The following PDE4D variants were observed in gnomAD, a reference collection of about 807,000 sequenced individuals.
PDE4D encodes phosphodiesterase 4D.
PDE4D carries 24 observed loss-of-function variants against 87.4 expected under a neutral mutation model. The observed-to-expected ratio is 0.27, with a 90% CI of 0.20 to 0.39. The LOEUF (loss-of-function observed/expected upper bound fraction) is 0.39. Ranked by LOEUF, PDE4D falls within the 10% of genes least tolerant of loss-of-function variation. The pLI, the probability that PDE4D is intolerant of heterozygous loss-of-function variation, is 1.00. For missense variants in PDE4D, 714 were observed against 1,041.0 expected (o/e 0.69, Z 4.32); for synonymous variants, 384 against 383.2 (o/e 1.00, Z -0.02).
At chr5:59,805,340 C>T (rs1469890975) in intron 1 of PDE4D, among the ~76,000 whole-genome samples, 2 of 152,130 alleles carry the variant, frequency 1.3e-5, no homozygotes, top group African/African-American at 4.8e-5. Flanking sequence ...ATAAAAGGTC[C>T]TAAAATATAC....
At chr5:59,425,296 C>G (rs1251027307) in intron 1 of PDE4D, among the ~76,000 whole-genome samples, 4 of 152,180 alleles carry the variant, frequency 2.6e-5, no homozygotes, top group African/African-American at 9.7e-5. Flanking sequence ...TAAAAAAGCT[C>G]TGAAGTTCTC....
At chr5:60,179,527 T>A (rs1262002423) in intron 2 of PDE4D, among the ~76,000 whole-genome samples, 1 of 152,120 alleles carries the variant, frequency 6.6e-6, no homozygotes, top group African/African-American at 2.4e-5. Context: ...AATGCTGTTT[T>A]TCTCATTTTA....
chr5:59,734,741 A>T (rs1355309217), intron 1 of PDE4D, among the ~76,000 whole-genome samples: 3 of 152,192 alleles, frequency 2.0e-5, no homozygotes, highest in Admixed American at 1.3e-4. Flanking sequence ...CAGTTAAAAA[A>T]CACAGAAAGA....
intron 1 of PDE4D, among the ~76,000 whole-genome samples, chr5:60,385,671 A>G (rs904973535): frequency 5.3e-5 from 8 of 152,168 alleles, no homozygotes; most frequent in African/African-American, 1.4e-4. Context: ...TTTCTGGTCT[A>G]ATATTTATGT....
intron 1 of PDE4D, among the ~76,000 whole-genome samples, chr5:59,868,670 A>C (rs1326929774): frequency 3.9e-5 from 6 of 152,172 alleles, no homozygotes; most frequent in African/African-American, 2.4e-5. Context: ...CTAAAACATG[A>C]GTTCATAAAG....
intron 1 of PDE4D, among the ~76,000 whole-genome samples, chr5:60,359,506 A>G (rs1305757260): frequency 6.6e-6 from 1 of 152,220 alleles, no homozygotes; most frequent in Non-Finnish European, 1.5e-5. Context: ...CTTATAAAGA[A>G]GTAGTAGCCG....
At chr5:59,717,055 C>T (rs993409492) in intron 1 of PDE4D, among the ~76,000 whole-genome samples, 9 of 152,070 alleles carry the variant, frequency 5.9e-5, no homozygotes, top group Non-Finnish European at 1.3e-4. Flanking sequence ...GGGATAAAAC[C>T]CTTTCATCTT....
chr5:59,010,201 CAT>C (rs1267046337), intron 6 of PDE4D, among the ~76,000 whole-genome samples: 1 of 152,072 alleles, frequency 6.6e-6, no homozygotes, highest in Non-Finnish European at 1.5e-5. Flanking sequence ...GTGGTGCACT[CAT>C]GTAATCCCAG....
chr5:59,388,671 G>C (rs1429572633), intron 1 of PDE4D, among the ~76,000 whole-genome samples: 4 of 124,414 alleles, frequency 3.2e-5, no homozygotes, highest in Admixed American at 2.4e-4. Context: ...ATTCTACCCA[G>C]CCCTGAAAAA....
intron 4 of PDE4D, among the ~76,000 whole-genome samples, chr5:59,183,858 C>T (rs1196189334): frequency 6.6e-6 from 1 of 152,168 alleles, no homozygotes; most frequent in Non-Finnish European, 1.5e-5. Context: ...ATGCTAGGCA[C>T]AGGGAATACA....
intron 1 of PDE4D, among the ~76,000 whole-genome samples, chr5:59,639,399 G>T (rs1741154424): frequency 6.6e-6 from 1 of 152,070 alleles, no homozygotes; most frequent in Non-Finnish European, 1.5e-5. Context: ...GCGATGGCTG[G>T]GTTGGGGGAG....
At chr5:59,508,632 A>C (rs939552925) in intron 1 of PDE4D, among the ~76,000 whole-genome samples, 1 of 152,102 alleles carries the variant, frequency 6.6e-6, no homozygotes, top group Non-Finnish European at 1.5e-5. Flanking sequence ...AAGATTACAG[A>C]TATTGGAACT....
chr5:59,881,948 G>A (rs1749490677), intron 1 of PDE4D, among the ~76,000 whole-genome samples: 1 of 152,132 alleles, frequency 6.6e-6, no homozygotes, highest in East Asian at 1.9e-4. Flanking sequence ...GGAGGAAAAG[G>A]CATTTCAGGC....
chr5:59,605,426 C>T (rs1244538866), intron 1 of PDE4D, among the ~76,000 whole-genome samples: 2 of 151,984 alleles, frequency 1.3e-5, no homozygotes, highest in African/African-American at 4.8e-5. Context: ...CCATCAAACA[C>T]AATTTTGTTC....
At chr5:60,036,307 T>A (rs1767793667) in intron 2 of PDE4D, among the ~76,000 whole-genome samples, 1 of 152,142 alleles carries the variant, frequency 6.6e-6, no homozygotes, top group African/African-American at 2.4e-5. Context: ...CACATAATAG[T>A]GTAAGGACCC....
intron 1 of PDE4D, among the ~76,000 whole-genome samples, chr5:60,469,230 G>A (rs1747630213): frequency 6.6e-6 from 1 of 152,088 alleles, no homozygotes; most frequent in South Asian, 2.1e-4. Context: ...CCTTGTTTGT[G>A]TAAAGAATGG....
chr5:59,853,982 T>C (rs1386258163), intron 1 of PDE4D, among the ~76,000 whole-genome samples: 1 of 152,090 alleles, frequency 6.6e-6, no homozygotes, highest in East Asian at 1.9e-4. Flanking sequence ...TTAATGAAAA[T>C]TTTGAACATG....
rs185290982 is a variant in PDE4D at position 59,164,425 on chromosome 5, C to T, written c.808+16170G>A. Among the ~76,000 whole-genome samples, 395 of 152,256 alleles carry T rather than the reference C, an allele frequency of 2.6e-3. 1 individual carries two copies. Among genetic ancestry groups the T allele is most frequent in the Middle Eastern group, 6.8e-3 (2 of 294 alleles). The stretch of plus-strand genomic sequence containing the variant: ...TATTTCTTTTTTAGTTCCTACTATG[C>T]GTCAGATGCTAGGTTTCGTGCTTAA... On this transcript the variant is annotated intron_variant, in intron 5 of 14. Coordinates refer to ENST00000340635, the MANE Select transcript of PDE4D (RefSeq NM_001104631.2).
chr5:60,269,232 G>A (rs112162527), intron 1 of PDE4D, among the ~76,000 whole-genome samples: 12,740 of 152,224 alleles, frequency 0.084, 1,087 homozygotes, highest in African/African-American at 0.22. Flanking sequence ...GCTTGAACCC[G>A]GGAGGCAGAG....
Sources: allele counts gnomAD v4.1 joint callset (sites outside exome capture counted in the v4.1 genomes callset), GRCh38; gene constraint gnomAD v4.1.1; transcripts MANE v1.5; gene names NCBI Gene and HGNC (gene_info 2026-07-23, HGNC 2026-07-21).